PTPRF: variants seen among roughly 807,000 people sequenced by gnomAD.
PTPRF encodes receptor-type tyrosine-protein phosphatase F.
A neutral mutation model predicts 201.8 loss-of-function variants in PTPRF; 59 were observed. That is an observed-to-expected ratio of 0.29 (90% CI 0.24 to 0.36). The LOEUF is 0.36. Ranked by LOEUF, PTPRF falls within the 10% of genes least tolerant of loss-of-function variation. PTPRF has a pLI of 1.00. For synonymous variants in PTPRF, 1,088 were observed against 1,089.7 expected (o/e 1.00, Z 0.03); for missense variants, 2,132 against 2,690.5 (o/e 0.79, Z 4.59).
chr1:43,559,362 G>A (rs552655334), intron 5 of PTPRF, among the ~76,000 whole-genome samples: 26 of 152,332 alleles, frequency 1.7e-4, no homozygotes, highest in Non-Finnish European at 2.9e-4. Context: ...CAGGCAGTGC[G>A]TGGTGTGGTG....
At chr1:43,543,268 C>T (rs1024606448) in intron 2 of PTPRF, among the ~76,000 whole-genome samples, 36 of 152,240 alleles carry the variant, frequency 2.4e-4, no homozygotes, top group African/African-American at 8.4e-4. Context: ...GGCACCATAG[C>T]GCAAGCTCAG....
In PTPRF at chr1:43,553,356, C is replaced by T; in HGVS notation, c.92-136C>T. On this transcript the variant is annotated intron_variant, in intron 3 of 33. Coordinates refer to ENST00000359947, the MANE Select transcript of PTPRF (RefSeq NM_002840.5). The surrounding 1 kb of genome is among the most constrained non-coding windows in gnomAD (Gnocchi z 4.1). ...CTCTCTGAACAGTGCCTGGCACATA[C>T]TAAGCGCTACATAAAGGTGAGGTGT... 1 of 984,282 alleles carries T rather than the reference C, an allele frequency of 1.0e-6. No individual in the cohort carries two copies. The highest frequency in any genetic ancestry group is 1.6e-5 in the South Asian group (1 of 63,778). The allele number at this position is 984,282 out of a possible 1,614,324, so 61.0% of individuals were successfully genotyped here.
chr1:43,546,535 G>C lies in PTPRF; in HGVS notation c.91+1369G>C, dbSNP rs1644685225. Among the ~76,000 whole-genome samples the C allele has an allele frequency of 6.6e-6, 1 of 152,074 alleles. No homozygotes were observed. The highest frequency in any genetic ancestry group is 2.1e-4 in the South Asian group (1 of 4,828). ...AAGGCTTGTCCACGTGTGGTCAGTA[G>C]CTCTTGGACATTGAAGTACTGTCCT... On this transcript the variant is annotated intron_variant, in intron 3 of 33. Coordinates refer to ENST00000359947, the MANE Select transcript of PTPRF (RefSeq NM_002840.5). This position sits in a 1 kb window ranked among gnomAD's most constrained non-coding sequence, Gnocchi z 4.2.
chr1:43,533,683 G>T (rs897665507), intron 1 of PTPRF, among the ~76,000 whole-genome samples: 2 of 152,158 alleles, frequency 1.3e-5, no homozygotes, highest in Non-Finnish European at 2.9e-5. Flanking sequence ...GAACTGTGTG[G>T]CAGTGCATCG....
chr1:43,541,189 T>C, intron 2 of PTPRF, among the ~76,000 whole-genome samples: 1 of 152,138 alleles, frequency 6.6e-6, no homozygotes, highest in Admixed American at 6.5e-5. Context: ...GGAGGTGAGA[T>C]GGGGGAGGCT....
At chr1:43,568,703 A>G (rs1570080420) in intron 5 of PTPRF, among the ~76,000 whole-genome samples, 1 of 152,298 alleles carries the variant, frequency 6.6e-6, no homozygotes, top group South Asian at 2.1e-4. Flanking sequence ...CTTGCCCTGC[A>G]GCCCCTCGGG....
chr1:43,608,062 C>G (rs751910909), intron 21 of PTPRF, among the ~76,000 whole-genome samples: 19 of 152,248 alleles, frequency 1.2e-4, no homozygotes, highest in Non-Finnish European at 2.2e-4. Flanking sequence ...ACCCACTGTT[C>G]CTTCCTAAAG....
chr1:43,587,626 C>T (rs901790789), intron 7 of PTPRF, among the ~76,000 whole-genome samples: 1 of 152,150 alleles, frequency 6.6e-6, no homozygotes, highest in Non-Finnish European at 1.5e-5. Flanking sequence ...GCCTGGGCCC[C>T]CCAGCGAGGG....
chr1:43,618,832 A>T, intron 26 of PTPRF, 83 bp downstream of exon 26: 1 of 1,546,870 alleles, frequency 6.5e-7, no homozygotes, highest in South Asian at 1.2e-5. Flanking sequence ...GTCGGGGGGA[A>T]GCTGGAGCCT....
In PTPRF at chr1:43,589,024, C is replaced by T. The variant is rs1052456157; in HGVS notation, c.949+24C>T. 3.3e-6 allele frequency: 5 copies of T among 1,516,094 alleles called. No individual in the cohort carries two copies. The East Asian group carries it at 1.2e-4, about 36-fold the overall frequency. The allele number at this position is 1,516,094 out of a possible 1,614,324, so 93.9% of individuals were successfully genotyped here. ...AGGTGAGTGTGGCAGGTGCTGTAACCAGTGCCCTCCCTGTCATCTGGGAGG... is the reference window on the plus strand; with the variant it reads ...AGGTGAGTGTGGCAGGTGCTGTAACTAGTGCCCTCCCTGTCATCTGGGAGG... On this transcript the variant is annotated intron_variant, in intron 8 of 33. Coordinates refer to ENST00000359947, the MANE Select transcript of PTPRF (RefSeq NM_002840.5).
intron 5 of PTPRF, among the ~76,000 whole-genome samples, chr1:43,560,182 T>C (rs1420881155): frequency 2.0e-5 from 3 of 149,750 alleles, no homozygotes; most frequent in Non-Finnish European, 4.4e-5. Flanking sequence ...GGCTGTGGTG[T>C]GTACAGCAGG....
intron 6 of PTPRF, 77 bp downstream of exon 6, chr1:43,569,855 C>T: frequency 6.9e-7 from 1 of 1,459,696 alleles, no homozygotes; most frequent in South Asian, 1.4e-5. Context: ...ACAGCCTACT[C>T]CCTTGGGCCT....
chr1:43,617,990 C>T (rs1372927410), intron 25 of PTPRF, 79 bp downstream of exon 25: 6 of 1,433,920 alleles, frequency 4.2e-6, no homozygotes, highest in South Asian at 2.7e-5. Context: ...TCTTCTGTGC[C>T]GCTTTCTTCT....
intron 8 of PTPRF, among the ~76,000 whole-genome samples, chr1:43,589,967 T>A (rs546638570): frequency 6.6e-6 from 1 of 152,070 alleles, no homozygotes; most frequent in Non-Finnish European, 1.5e-5. Flanking sequence ...CTTTAAAAAA[T>A]GTAATTCAGG....
intron 21 of PTPRF, among the ~76,000 whole-genome samples, chr1:43,608,983 G>A (rs895906021): frequency 4.6e-5 from 7 of 152,140 alleles, no homozygotes; most frequent in African/African-American, 1.7e-4. Flanking sequence ...CTGGGGCCCT[G>A]TCTCCTGTGC....
At position 43,554,855 on chromosome 1, in the gene PTPRF, T is replaced by C. The variant is rs541269765; in HGVS notation, c.379+914T>C. Among the ~76,000 whole-genome samples, 5,619 of 148,792 alleles carry C rather than the reference T, an allele frequency of 0.038. 386 individuals carry two copies. Among genetic ancestry groups the C allele is most frequent in the African/African-American group, 0.14 (5,345 of 39,126 alleles). ...GCTTTTTTTTCTTTTCTTTCTTTCT[T>C]TCTTTTTTTTTTTTTGAGATGCAGT... On this transcript the variant is annotated intron_variant, in intron 5 of 33. Transcript: ENST00000359947. This position sits in a 1 kb window ranked among gnomAD's most constrained non-coding sequence, Gnocchi z 4.1.
At chr1:43,615,551 C>CTTTTTTTTTTTTTTTTTTT (rs68193223) in intron 23 of PTPRF, among the ~76,000 whole-genome samples, 4 of 84,158 alleles carry the variant, frequency 4.8e-5, no homozygotes, top group Admixed American at 1.5e-4. Context: ...GCTCTGTTGT[C>CTTTTTTTTTTTTTTTTTTT]TTTTTTTTTT....
chr1:43,579,264 G>A (rs1182548898), intron 7 of PTPRF: 4 of 521,104 alleles, frequency 7.7e-6, no homozygotes, highest in African/African-American at 1.9e-5. Context: ...GTGCACACAC[G>A]GGCACACTTA....
In PTPRF at chr1:43,623,434, G is replaced by C. The variant is rs1659555542; in HGVS notation, c.*1431G>C. On this transcript the variant is annotated 3_prime_UTR_variant, in exon 34 of 34. Transcript: ENST00000359947. ...TGGGGGCGGGGAAGGGTGCATAGCT[G>C]TTTTAGCTGAGGGACGTGGTGCCGA... 1 of 152,598 alleles carries C rather than the reference G, an allele frequency of 6.6e-6. No homozygotes were observed. The highest frequency in any genetic ancestry group is 2.1e-4 in the South Asian group (1 of 4,834). 9.5% of individuals were successfully genotyped at this position (152,598 alleles called of 1,614,324 possible).
Sources: gnomAD v4.1 joint callset for allele counts (sites outside exome capture counted in the v4.1 genomes callset) on GRCh38, gnomAD v4.1.1 for gene constraint, Gnocchi (gnomAD v3.1) non-coding constraint, MANE v1.5 for transcripts, NCBI Gene and HGNC (gene_info 2026-07-23, HGNC 2026-07-21) for gene names.